The following INTU variants were observed in gnomAD, a reference collection of about 807,000 sequenced individuals.
The protein encoded by INTU is protein inturned.
A neutral mutation model predicts 100.5 loss-of-function variants in INTU; 68 were observed. That is an observed-to-expected ratio of 0.68 (90% CI 0.56 to 0.83). INTU has a LOEUF of 0.83. Ranked by LOEUF, INTU falls within the 40% of genes least tolerant of loss-of-function variation. INTU has a pLI of 0.00. For missense variants in INTU, 1,071 were observed against 1,114.7 expected, an observed-to-expected ratio of 0.96 and a Z score of 0.56; for synonymous variants, 357 against 395.7, an observed-to-expected ratio of 0.90 and a Z score of 1.16.
At chr4:127,677,904 A>C (rs1381778947) in intron 6 of INTU, among the ~76,000 whole-genome samples, 1 of 152,368 alleles carries the variant, frequency 6.6e-6, no homozygotes, top group East Asian at 1.9e-4. Flanking sequence ...AGAAGTGCTT[A>C]AAGGAGCTGC....
In INTU at chr4:127,643,517, A is replaced by C; in HGVS notation, c.147-4A>C. ...ATTAAGATTATCTTTTCTCTCTTTCATAGTGATCTTGAGCCTGAATGGCTG... is the reference window on the plus strand; with the variant it reads ...ATTAAGATTATCTTTTCTCTCTTTCCTAGTGATCTTGAGCCTGAATGGCTG... On this transcript the variant is annotated splice_region_variant and splice_polypyrimidine_tract_variant and intron_variant, in intron 1 of 15. Coordinates refer to ENST00000335251, the MANE Select transcript of INTU (RefSeq NM_015693.4). 6.3e-7 allele frequency: 1 copy of C among 1,577,760 alleles called. No homozygotes were observed. Among genetic ancestry groups the C allele is most frequent in the Non-Finnish European group, 8.6e-7 (1 of 1,168,432 alleles).
intron 6 of INTU, among the ~76,000 whole-genome samples, chr4:127,681,748 C>T (rs150410812): frequency 6.6e-6 from 1 of 152,090 alleles, no homozygotes; most frequent in Admixed American, 6.5e-5. Context: ...ACAAAATTGA[C>T]AAATGGGATC....
chr4:127,700,525 AAAGGAACC>A (rs1730601898), intron 9 of INTU, among the ~76,000 whole-genome samples: 1 of 152,222 alleles, frequency 6.6e-6, no homozygotes, highest in Non-Finnish European at 1.5e-5. Context: ...TTTCTCACCA[AAAGGAACC>A]AGGACTCCTC....
intron 1 of INTU, among the ~76,000 whole-genome samples, chr4:127,636,835 T>C (rs6827230): frequency 0.02 from 3,005 of 152,290 alleles, 97 homozygotes; most frequent in African/African-American, 0.068. Flanking sequence ...TAACATCCAA[T>C]TTAGGATAAT....
At chr4:127,633,331 G>T (rs1726923180) in intron 1 of INTU, 151 bp downstream of exon 1, 2 of 747,970 alleles carry the variant, frequency 2.7e-6, no homozygotes, top group Admixed American at 2.7e-5. Context: ...ACGTTCCATT[G>T]TATGGTGGTG....
chr4:127,680,931 A>G (rs1374173108), intron 6 of INTU, among the ~76,000 whole-genome samples: 4 of 152,104 alleles, frequency 2.6e-5, no homozygotes, highest in African/African-American at 9.7e-5. Context: ...AATGTACAAA[A>G]ATCACAAGCA....
intron 6 of INTU, among the ~76,000 whole-genome samples, chr4:127,677,436 G>A (rs1200955687): frequency 2.0e-5 from 3 of 150,688 alleles, no homozygotes; most frequent in African/African-American, 5.0e-5. Flanking sequence ...CAGCATTCGC[G>A]GTTCACGAAA....
At chr4:127,687,587 T>C (rs1729881662) in intron 7 of INTU, 91 bp from the exon 8 acceptor site, 1 of 893,238 alleles carries the variant, frequency 1.1e-6, no homozygotes, top group Admixed American at 2.0e-5. Context: ...ATAGCCTATG[T>C]AGTTGGGAAA....
At chr4:127,677,374 C>G (rs752732249) in intron 6 of INTU, among the ~76,000 whole-genome samples, 1 of 150,748 alleles carries the variant, frequency 6.6e-6, no homozygotes, top group Non-Finnish European at 1.5e-5. Context: ...ACTGACACCT[C>G]ACACAGCAGG....
At chr4:127,687,924 A>G (rs1729905663) in intron 8 of INTU, 57 bp downstream of exon 8, 3 of 1,162,238 alleles carry the variant, frequency 2.6e-6, no homozygotes, top group Non-Finnish European at 3.5e-6. Context: ...ATAATCTTGT[A>G]TCTTCTCTTT....
Position 127,722,136 on chromosome 4 carries a change from G to A in INTU, c.*5700G>A, listed in dbSNP as rs370642862. The A allele has an allele frequency of 4.6e-5, 7 of 152,244 alleles. No homozygotes were observed. In the East Asian group the frequency reaches 5.8e-4, roughly 13 times the overall value. The allele number at this position is 152,244 out of a possible 1,614,324, so 9.4% of individuals were successfully genotyped here. On this transcript the variant is annotated 3_prime_UTR_variant, in exon 16 of 16. Coordinates refer to ENST00000335251, the MANE Select transcript of INTU (RefSeq NM_015693.4). ...TTGAGTCTGCTGACTTTTGGATGAG[G>A]TTTTTGTGGTGTCTTTTTTGTTGAT...
intron 3 of INTU, among the ~76,000 whole-genome samples, chr4:127,658,338 G>GGA (rs1251412204): frequency 9.2e-5 from 14 of 152,180 alleles, no homozygotes; most frequent in Non-Finnish European, 1.6e-4. Context: ...TGGAGATGGG[G>GGA]TGGTGTTTGA....
At chr4:127,667,400 G>C (rs1728744765) in intron 4 of INTU, among the ~76,000 whole-genome samples, 1 of 152,084 alleles carries the variant, frequency 6.6e-6, no homozygotes, top group African/African-American at 2.4e-5. Flanking sequence ...TTAATAGTGA[G>C]GCTTTTATGA....
chr4:127,648,713 T>G (rs1247641943), intron 2 of INTU, among the ~76,000 whole-genome samples: 3 of 152,238 alleles, frequency 2.0e-5, no homozygotes, highest in Admixed American at 6.5e-5. Context: ...ACAGCTATAC[T>G]GTGTCCATCA....
rs1731264497 is a variant in INTU at position 127,716,400 on chromosome 4, A to C, written c.2793A>C (p.Glu931Asp). 20 of 1,592,450 alleles carry C rather than the reference A, an allele frequency of 1.3e-5. No homozygotes were observed. The highest frequency in any genetic ancestry group is 1.7e-5 in the Non-Finnish European group (20 of 1,168,940). ...FHDSVTEIAI[E>D]IAFKLFFGLT... ...ACTCAGTCACAGAAATTGCCATTGAAATAGCTTTTAAATTGTTCTTTGGGT... is the reference window on the plus strand; with the variant it reads ...ACTCAGTCACAGAAATTGCCATTGACATAGCTTTTAAATTGTTCTTTGGGT... The change falls in exon 16 of 16, where the codon GAA becomes GAC. Residue 931 changes from glutamate (E) to aspartate (D), a missense_variant. Transcript: ENST00000335251.
intron 6 of INTU, among the ~76,000 whole-genome samples, chr4:127,681,140 G>A (rs1399679605): frequency 1.1e-4 from 16 of 152,092 alleles, no homozygotes; most frequent in Admixed American, 2.6e-4. Context: ...ATGCTCATGG[G>A]TAGGAAAAAT....
intron 6 of INTU, among the ~76,000 whole-genome samples, chr4:127,675,546 C>T (rs928768053): frequency 2.0e-5 from 3 of 152,126 alleles, no homozygotes; most frequent in East Asian, 1.9e-4. Flanking sequence ...AAGGTGTTTT[C>T]GTGGTTCAGG....
chr4:127,691,418 G>A (rs1319415024), intron 8 of INTU, among the ~76,000 whole-genome samples: 1 of 152,054 alleles, frequency 6.6e-6, no homozygotes, highest in Non-Finnish European at 1.5e-5. Flanking sequence ...ATCCTTGTCA[G>A]GACTTAGTTT....
chr4:127,665,599 A>T (rs1230222957), intron 4 of INTU, among the ~76,000 whole-genome samples: 1 of 152,108 alleles, frequency 6.6e-6, no homozygotes, highest in African/African-American at 2.4e-5. Flanking sequence ...GTGGCTTAAC[A>T]TGATGAAAGT....
Sources: allele counts gnomAD v4.1 joint callset (sites outside exome capture counted in the v4.1 genomes callset), GRCh38; gene constraint gnomAD v4.1.1; transcripts MANE v1.5; gene names NCBI Gene and HGNC (gene_info 2026-07-23, HGNC 2026-07-21).